Variants in NOMO1 observed in about 807,000 individuals in gnomAD.
NOMO1 encodes NODAL modulator 1, also known as nodal modulator 3.
A neutral mutation model predicts 133.8 loss-of-function variants in NOMO1; 40 were observed. The observed-to-expected ratio is 0.30, with a 90% CI of 0.23 to 0.39. NOMO1 has a LOEUF of 0.39. Among genes scored for constraint, NOMO1 ranks in the 10% least tolerant of loss-of-function variants. The pLI, the probability that NOMO1 is intolerant of heterozygous loss-of-function variation, is 1.00. For missense variants in NOMO1, 462 were observed against 1,419.9 expected (o/e 0.33, Z 10.84); for synonymous variants, 236 against 570.5 (o/e 0.41, Z 8.36).
At chr16:14,862,013 T>G (rs1963928526) in intron 11 of NOMO1, among the ~76,000 whole-genome samples, 1 of 151,648 alleles carries the variant, frequency 6.6e-6, no homozygotes, top group South Asian at 2.1e-4. Context: ...GTGTTTTTCA[T>G]GATTCCTAGA....
At chr16:14,842,086 T>A (rs1377263476) in intron 3 of NOMO1, among the ~76,000 whole-genome samples, 4 of 151,990 alleles carry the variant, frequency 2.6e-5, no homozygotes, top group African/African-American at 9.7e-5. Flanking sequence ...TTTCCTCATA[T>A]AACTGCCTTC....
chr16:14,868,573 G>A lies in NOMO1; in HGVS notation c.1832G>A (p.Arg611His), dbSNP rs375977622. 13 of 1,611,394 alleles carry A rather than the reference G, an allele frequency of 8.1e-6. No individual in the cohort carries two copies. Among genetic ancestry groups the A allele is most frequent in the African/African-American group, 5.5e-5 (4 of 72,992 alleles). The stretch of plus-strand genomic sequence containing the variant: ...GAATTTTATCAGGATGGAAATGGGC[G>A]TGAGAATGTGGGGATTTATAACCTC... ...TLEFYQDGNG[R>H]ENVGIYNLSK... The change falls in exon 16 of 31, where the codon CGT (arginine) becomes CAT (histidine). Residue 611 changes from arginine to histidine, a missense_variant. Arg to His is a conservative substitution (Grantham distance 29). Coordinates refer to ENST00000287667, the MANE Select transcript of NOMO1 (RefSeq NM_014287.4).
intron 9 of NOMO1, 114 bp downstream of exon 9, chr16:14,854,140 GA>G: frequency 1.6e-6 from 1 of 631,318 alleles, no homozygotes; most frequent in Non-Finnish European, 2.7e-6. Flanking sequence ...AGGGCTGTTG[GA>G]AAAAATGCCA....
At chr16:14,878,215 G>A (rs570691267) in intron 22 of NOMO1, among the ~76,000 whole-genome samples, 4 of 134,052 alleles carry the variant, frequency 3.0e-5, no homozygotes, top group African/African-American at 8.4e-5. Context: ...AGTTCTGGGC[G>A]GGGCACGGTG....
intron 29 of NOMO1, among the ~76,000 whole-genome samples, chr16:14,891,355 T>C (rs1422461104): frequency 6.6e-6 from 1 of 151,058 alleles, no homozygotes; most frequent in Non-Finnish European, 1.5e-5. Context: ...TATTAACCCT[T>C]TGTAATGTTT....
chr16:14,841,603 TTC>T (rs1963604734), intron 3 of NOMO1, among the ~76,000 whole-genome samples, 196 bp downstream of exon 3: 1 of 139,762 alleles, frequency 7.2e-6, no homozygotes, highest in African/African-American at 2.7e-5. Context: ...CCTTAAGACT[TTC>T]TGTCACCTTT....
chr16:14,849,562 T>G (rs1452714026), intron 6 of NOMO1, among the ~76,000 whole-genome samples: 1 of 135,024 alleles, frequency 7.4e-6, no homozygotes, highest in Admixed American at 7.5e-5. Flanking sequence ...TAAATACTTG[T>G]GATAATCATT....
At position 14,876,518 on chromosome 16, in the gene NOMO1, G is replaced by A. The variant is rs1274040999; in HGVS notation, c.2516G>A (p.Ser839Asn). ...TTTACTGATGACAAAGGTGCCTACA[G>A]GTGAGCCCGGGATAGAGACACATGT... is the stretch of plus-strand genomic sequence containing the variant. ...TVFTDDKGAY[S>N]VGPLHSDLEY... Residue 839 changes from serine to asparagine, a missense_variant and splice_region_variant, in exon 21 of 31, where the codon AGT becomes AAT. Ser to Asn is a conservative substitution (Grantham distance 46). Coordinates refer to ENST00000287667, the MANE Select transcript of NOMO1 (RefSeq NM_014287.4). 6.2e-7 allele frequency: 1 copy of A among 1,611,466 alleles called. No homozygotes were observed. The highest frequency in any genetic ancestry group is 1.3e-5 in the African/African-American group (1 of 74,650).
At chr16:14,860,282 C>T (rs1411027099) in intron 11 of NOMO1, among the ~76,000 whole-genome samples, 1 of 151,160 alleles carries the variant, frequency 6.6e-6, no homozygotes, top group African/African-American at 2.4e-5. Context: ...GCAGGAGAAT[C>T]GCTTGAACCC....
At chr16:14,893,893 AAG>A (rs1964441882) in intron 29 of NOMO1, among the ~76,000 whole-genome samples, 1 of 151,996 alleles carries the variant, frequency 6.6e-6, no homozygotes, top group Admixed American at 6.6e-5. Context: ...TTGCGAATGA[AAG>A]AGGGCGGAAA....
chr16:14,836,181 C>T (rs550604156), intron 1 of NOMO1, among the ~76,000 whole-genome samples: 1 of 152,026 alleles, frequency 6.6e-6, no homozygotes, highest in African/African-American at 2.4e-5. Context: ...CCTCCCTAAC[C>T]GGTCTAGGCT....
chr16:14,871,355 A>C (rs1243186250), intron 16 of NOMO1, among the ~76,000 whole-genome samples: 1 of 151,898 alleles, frequency 6.6e-6, no homozygotes, highest in Non-Finnish European at 1.5e-5. Flanking sequence ...TGGTCTGTGC[A>C]GATTTAACTA....
chr16:14,841,936 A>G (rs571080513), intron 3 of NOMO1, among the ~76,000 whole-genome samples: 2 of 151,918 alleles, frequency 1.3e-5, no homozygotes, highest in Admixed American at 6.6e-5. Context: ...GAGCAAGGGT[A>G]GTTATAGTCC....
chr16:14,857,508 A>G lies in NOMO1; in HGVS notation c.1073A>G (p.Lys358Arg). ...TTTGTGTGTTTTTGTTTTACAGTTA[A>G]AACAAAAGCTGATGGCTCATTCCGC... ...VVTLNNQIKV[K>R]TKADGSFRLE... Residue 358 changes from lysine to arginine, a missense_variant, in exon 11 of 31, where the codon AAA (lysine) becomes AGA (arginine). Coordinates refer to ENST00000287667, the MANE Select transcript of NOMO1 (RefSeq NM_014287.4). 1 of 1,609,234 alleles carries G rather than the reference A, an allele frequency of 6.2e-7. No individual in the cohort carries two copies.
chr16:14,836,138 T>C (rs1746509288), intron 1 of NOMO1, among the ~76,000 whole-genome samples: 1 of 152,130 alleles, frequency 6.6e-6, no homozygotes, highest in African/African-American at 2.4e-5. Context: ...TGTAGTGATC[T>C]GAATCCTTTT....
At chr16:14,850,123 T>A (rs1224407484) in intron 6 of NOMO1, among the ~76,000 whole-genome samples, 12 of 148,166 alleles carry the variant, frequency 8.1e-5, no homozygotes, top group Admixed American at 7.4e-4. Context: ...CAGGCTGGAG[T>A]GCAATGGGGC....
intron 9 of NOMO1, among the ~76,000 whole-genome samples, chr16:14,855,946 T>G (rs1963827270): frequency 6.6e-6 from 1 of 152,012 alleles, no homozygotes; most frequent in African/African-American, 2.4e-5. Context: ...CTACCTGTCA[T>G]GTGAGACCAT....
chr16:14,846,294 TA>T (rs1387592875), intron 4 of NOMO1, among the ~76,000 whole-genome samples: 2 of 151,342 alleles, frequency 1.3e-5, no homozygotes, highest in African/African-American at 2.5e-5. Context: ...CCCAAAGTGC[TA>T]GGATTACAGG....
At chr16:14,836,109 C>T (rs1275212754) in intron 1 of NOMO1, among the ~76,000 whole-genome samples, 3 of 152,078 alleles carry the variant, frequency 2.0e-5, no homozygotes, top group Non-Finnish European at 4.4e-5. Flanking sequence ...CTTTAGGCTG[C>T]CACACTTGGC....
Sources: gnomAD v4.1 joint callset for allele counts (sites outside exome capture counted in the v4.1 genomes callset) on GRCh38, gnomAD v4.1.1 for gene constraint, MANE v1.5 for transcripts, NCBI Gene and HGNC (gene_info 2026-07-23, HGNC 2026-07-21) for gene names.